RANBP17: variants seen among roughly 807,000 people sequenced by gnomAD.
RANBP17 encodes the protein RAN binding protein 17.
In RANBP17, 158 loss-of-function variants were observed where a neutral mutation model predicts 141.2. The ratio of observed to expected loss-of-function variants is 1.12; its 90% confidence interval spans 0.98 to 1.28. The LOEUF is 1.28. Among genes scored for constraint, RANBP17 ranks in the 50% most tolerant of loss-of-function variants. The probability of loss-of-function intolerance (pLI) is 0.00; values close to 1 mark genes in which losing one functional copy is unlikely to be tolerated. For missense variants in RANBP17, 1,438 were observed against 1,290.7 expected (o/e 1.11, Z -1.75); for synonymous variants, 430 against 450.0 (o/e 0.96, Z 0.56).
At chr5:171,092,434 A>T in intron 14 of RANBP17, among the ~76,000 whole-genome samples, 1 of 152,350 alleles carries the variant, frequency 6.6e-6, no homozygotes, top group African/African-American at 2.4e-5. Flanking sequence ...TCCCTAATAT[A>T]TAGTCACCTT....
intron 13 of RANBP17, among the ~76,000 whole-genome samples, chr5:170,966,107 C>T (rs915203214): frequency 5.3e-5 from 8 of 151,862 alleles, no homozygotes; most frequent in Non-Finnish European, 1.2e-4. Flanking sequence ...CGAATTCTAC[C>T]AGAGGTACAA....
At chr5:171,061,910 G>A (rs1390342512) in intron 14 of RANBP17, among the ~76,000 whole-genome samples, 1 of 152,102 alleles carries the variant, frequency 6.6e-6, no homozygotes, top group Admixed American at 6.5e-5. Context: ...TTACCATTAT[G>A]TAATGGCCTT....
At chr5:171,191,113 A>G (rs538262042) in intron 18 of RANBP17, among the ~76,000 whole-genome samples, 4 of 152,220 alleles carry the variant, frequency 2.6e-5, no homozygotes, top group Non-Finnish European at 4.4e-5. Context: ...GTATCCATAT[A>G]CTTTGGCTTA....
At chr5:170,970,452 A>G (rs1415822660) in intron 14 of RANBP17, 1 of 152,036 alleles carries the variant, frequency 6.6e-6, no homozygotes, top group East Asian at 1.9e-4. Context: ...AGTACACCAT[A>G]CTTGCACTGC....
At chr5:171,189,618 TC>T (rs143857144) in intron 18 of RANBP17, among the ~76,000 whole-genome samples, 10,330 of 152,270 alleles carry the variant, frequency 0.068, 477 homozygotes, top group African/African-American at 0.12. Flanking sequence ...CATTGGCCTC[TC>T]CCAAGACAAA....
chr5:170,934,315 A>G (rs571632999), intron 12 of RANBP17, among the ~76,000 whole-genome samples: 1 of 152,266 alleles, frequency 6.6e-6, no homozygotes, highest in African/African-American at 2.4e-5. Context: ...GTCTCTGCAC[A>G]TGAGATGGGT....
At chr5:171,207,937 AAAGTATTC>A (rs1259492654) in intron 20 of RANBP17, 1 of 152,208 alleles carries the variant, frequency 6.6e-6, no homozygotes, top group African/African-American at 2.4e-5. Context: ...GATTCTTTTC[AAAGTATTC>A]AAGTAATGCA....
At chr5:171,090,534 G>C (rs1312245310) in intron 14 of RANBP17, among the ~76,000 whole-genome samples, 2 of 152,288 alleles carry the variant, frequency 1.3e-5, no homozygotes, top group East Asian at 3.9e-4. Flanking sequence ...AGAAATTCAA[G>C]CTGGCTGCAG....
At chr5:171,157,808 A>T (rs1259802936) in intron 14 of RANBP17, among the ~76,000 whole-genome samples, 1 of 152,202 alleles carries the variant, frequency 6.6e-6, no homozygotes, top group Non-Finnish European at 1.5e-5. Flanking sequence ...AATATTAGAG[A>T]ATCTAAAATA....
At chr5:171,274,666 A>G (rs1466967134) in intron 25 of RANBP17, among the ~76,000 whole-genome samples, 1 of 152,190 alleles carries the variant, frequency 6.6e-6, no homozygotes, top group Non-Finnish European at 1.5e-5. Flanking sequence ...ACATCCTGAT[A>G]CTTGTCCCAG....
At chr5:171,208,316 A>G (rs1358538630) in intron 20 of RANBP17, among the ~76,000 whole-genome samples, 2 of 152,210 alleles carry the variant, frequency 1.3e-5, no homozygotes, top group East Asian at 3.8e-4. Context: ...CCAAAACTAA[A>G]TTGCCTGAAA....
intron 12 of RANBP17, among the ~76,000 whole-genome samples, chr5:170,927,457 T>C (rs1773017164): frequency 6.6e-6 from 1 of 152,130 alleles, no homozygotes; most frequent in African/African-American, 2.4e-5. Flanking sequence ...TAACTTTGCA[T>C]TTTTCTTATC....
intron 14 of RANBP17, among the ~76,000 whole-genome samples, chr5:171,167,566 C>T (rs988754034): frequency 5.3e-5 from 8 of 152,084 alleles, no homozygotes; most frequent in African/African-American, 1.7e-4. Flanking sequence ...TATAAATGAT[C>T]CTGTGTACCA....
chr5:170,986,842 A>G (rs1778178528), intron 14 of RANBP17, among the ~76,000 whole-genome samples: 1 of 151,940 alleles, frequency 6.6e-6, no homozygotes, highest in Non-Finnish European at 1.5e-5. Context: ...CTGTAATAAC[A>G]GTTACTGTTA....
intron 14 of RANBP17, among the ~76,000 whole-genome samples, chr5:171,008,441 A>G (rs1300569333): frequency 1.3e-5 from 2 of 152,120 alleles, no homozygotes; most frequent in Admixed American, 6.5e-5. Flanking sequence ...TGAAGAGATC[A>G]CCAAACAGGC....
At chr5:171,219,045 T>C (rs1763397652) in intron 21 of RANBP17, among the ~76,000 whole-genome samples, 1 of 152,220 alleles carries the variant, frequency 6.6e-6, no homozygotes, top group Non-Finnish European at 1.5e-5. Context: ...TTCCTTTCCA[T>C]ATTTAGCACT....
At chr5:171,036,827 C>T (rs1220906834) in intron 14 of RANBP17, among the ~76,000 whole-genome samples, 1 of 152,102 alleles carries the variant, frequency 6.6e-6, no homozygotes, top group Non-Finnish European at 1.5e-5. Context: ...ATTTTCTTTA[C>T]CCAGTCCATC....
chr5:171,225,609 AG>A (rs1344750954), intron 22 of RANBP17, among the ~76,000 whole-genome samples: 1 of 152,240 alleles, frequency 6.6e-6, no homozygotes, highest in African/African-American at 2.4e-5. Context: ...GGTGAAGGAA[AG>A]GGAAGCCAGT....
At chr5:171,185,464 C>T (rs1170868880) in intron 18 of RANBP17, among the ~76,000 whole-genome samples, 2 of 152,240 alleles carry the variant, frequency 1.3e-5, no homozygotes, top group Non-Finnish European at 2.9e-5. Flanking sequence ...AGTCAATCCT[C>T]TCAAACTCTG....
Sources: allele counts gnomAD v4.1 joint callset (sites outside exome capture counted in the v4.1 genomes callset), GRCh38; gene constraint gnomAD v4.1.1; transcripts MANE v1.5; gene names NCBI Gene and HGNC (gene_info 2026-07-23, HGNC 2026-07-21).